The following TENM2 variants were observed in gnomAD, a reference collection of about 807,000 sequenced individuals.
The protein encoded by TENM2 is teneurin transmembrane protein 2.
TENM2 carries 52 observed loss-of-function variants against 245.2 expected under a neutral mutation model. The observed-to-expected ratio is 0.21, with a 90% confidence interval of 0.17 to 0.27. The LOEUF (loss-of-function observed/expected upper bound fraction) is 0.27, where lower values mean the gene tolerates loss of function less well. Ranked by LOEUF, TENM2 falls within the 10% of genes least tolerant of loss-of-function variation. The pLI is 1.00. For missense variants in TENM2, 3,046 were observed against 3,666.8 expected, an observed-to-expected ratio of 0.83 and a Z score of 4.37; for synonymous variants, 1,363 against 1,438.9, an observed-to-expected ratio of 0.95 and a Z score of 1.19.
At chr5:167,837,295 T>C (rs1049357067) in intron 2 of TENM2, among the ~76,000 whole-genome samples, 1 of 152,108 alleles carries the variant, frequency 6.6e-6, no homozygotes, top group Non-Finnish European at 1.5e-5. Flanking sequence ...ACCCTGCATA[T>C]TTTGTATACA....
At chr5:167,526,054 C>A (rs1202613363) in intron 2 of TENM2, among the ~76,000 whole-genome samples, 1 of 151,594 alleles carries the variant, frequency 6.6e-6, no homozygotes, top group Non-Finnish European at 1.5e-5. Context: ...AAATGGCCAA[C>A]CCATTTAACA....
At chr5:168,027,748 A>G (rs1378407692) in intron 5 of TENM2, among the ~76,000 whole-genome samples, 1 of 152,228 alleles carries the variant, frequency 6.6e-6, no homozygotes, top group Non-Finnish European at 1.5e-5. Flanking sequence ...TAAAGATTCT[A>G]ACAGAGAATA....
chr5:167,811,652 T>C (rs1385332385), intron 2 of TENM2, among the ~76,000 whole-genome samples: 3 of 152,160 alleles, frequency 2.0e-5, no homozygotes, highest in Admixed American at 6.6e-5. Context: ...TTCAAATAAG[T>C]CATGGATAGA....
At chr5:167,708,233 G>A (rs199804406) in intron 2 of TENM2, among the ~76,000 whole-genome samples, 1 of 148,996 alleles carries the variant, frequency 6.7e-6, no homozygotes, top group Non-Finnish European at 1.5e-5. Context: ...AGAAAGTGAT[G>A]GAGAGAGAGA....
At chr5:167,956,641 G>A (rs1780582764) in intron 4 of TENM2, among the ~76,000 whole-genome samples, 1 of 152,102 alleles carries the variant, frequency 6.6e-6, no homozygotes, top group African/African-American at 2.4e-5. Flanking sequence ...TTTGAGATAT[G>A]TTTCATCAAT....
chr5:168,192,079 C>T (rs2152513189), intron 14 of TENM2, among the ~76,000 whole-genome samples: 1 of 152,278 alleles, frequency 6.6e-6, no homozygotes, highest in African/African-American at 2.4e-5. Context: ...CTAGCGATAT[C>T]ATGTTGGGCT....
intron 2 of TENM2, among the ~76,000 whole-genome samples, chr5:167,828,964 C>T (rs1173662584): frequency 6.6e-6 from 1 of 152,178 alleles, no homozygotes; most frequent in Non-Finnish European, 1.5e-5. Context: ...TGCCCATCTG[C>T]CTTGCCTCTT....
At chr5:167,023,989 A>T in the TENM2 span, among the ~76,000 whole-genome samples, 1 of 152,240 alleles carries the variant, frequency 6.6e-6, no homozygotes, top group Non-Finnish European at 1.5e-5. Flanking sequence ...ATATAGGAAT[A>T]TATGCATGGA....
chr5:167,964,189 G>A (rs1781219943), intron 4 of TENM2, among the ~76,000 whole-genome samples: 1 of 152,172 alleles, frequency 6.6e-6, no homozygotes, highest in Non-Finnish European at 1.5e-5. Context: ...AATCTTCCCG[G>A]TCGGCTGCTT....
In TENM2 at chr5:167,851,403, A is replaced by G. The variant is rs568523899; in HGVS notation, c.503-24583A>G. Among the ~76,000 whole-genome samples the G allele has an allele frequency of 3.9e-5, 6 of 152,338 alleles. No individual in the cohort carries two copies. The East Asian group carries it at 1.2e-3, about 29-fold the overall frequency. On this transcript the variant is annotated intron_variant, in intron 2 of 28. Coordinates refer to ENST00000518659, the Ensembl canonical transcript of TENM2. ...TTATATATCCAAATTTATCATAATC[A>G]CCAAGGATTTTAAGCAAGATTTTTC...
intron 13 of TENM2, among the ~76,000 whole-genome samples, chr5:168,176,643 C>G (rs542360719): frequency 6.6e-6 from 1 of 152,248 alleles, no homozygotes; most frequent in African/African-American, 2.4e-5. Context: ...ATCATGCATT[C>G]ATTGTTTATT....
At chr5:167,685,043 C>G (rs1240429643) in intron 2 of TENM2, among the ~76,000 whole-genome samples, 1 of 152,176 alleles carries the variant, frequency 6.6e-6, no homozygotes, top group Non-Finnish European at 1.5e-5. Context: ...ATTTTAGAAA[C>G]AGACTCTGAG....
intron 9 of TENM2, among the ~76,000 whole-genome samples, chr5:168,113,682 C>A (rs867510604): frequency 6.6e-6 from 1 of 152,112 alleles, no homozygotes. Flanking sequence ...TTAGGTGAAT[C>A]TAAATTCTGT....
At chr5:167,656,995 G>A (rs1277279079) in intron 2 of TENM2, among the ~76,000 whole-genome samples, 1 of 128,584 alleles carries the variant, frequency 7.8e-6, no homozygotes, top group South Asian at 2.5e-4. Context: ...CTAGCTATTT[G>A]AAGCTATATA....
chr5:167,857,952 T>G (rs1771245467), intron 2 of TENM2, among the ~76,000 whole-genome samples: 1 of 152,220 alleles, frequency 6.6e-6, no homozygotes, highest in South Asian at 2.1e-4. Flanking sequence ...TGAATTACAT[T>G]TTTTTCATCA....
Position 167,816,953 on chromosome 5 carries a change from T to C in TENM2, c.503-59033T>C, listed in dbSNP as rs979532724. On this transcript the variant is annotated intron_variant, in intron 2 of 28. Transcript: ENST00000518659. ...ATGCTAACTTAATGAAGCACAATCATGACTCGTATTAGAAAGTGATTAGCT... is the reference window on the plus strand; with the variant it reads ...ATGCTAACTTAATGAAGCACAATCACGACTCGTATTAGAAAGTGATTAGCT... Among the ~76,000 whole-genome samples, 4 of 152,166 alleles carry C rather than the reference T, an allele frequency of 2.6e-5. No individual in the cohort carries two copies. In the East Asian group the frequency reaches 7.7e-4, roughly 29 times the overall value.
At chr5:167,625,511 G>A (rs1357204835) in intron 2 of TENM2, among the ~76,000 whole-genome samples, 1 of 152,130 alleles carries the variant, frequency 6.6e-6, no homozygotes, top group Non-Finnish European at 1.5e-5. Flanking sequence ...TTGCTGAAGT[G>A]TATGTGTGAT....
At chr5:167,138,117 ACTGTCTGTTCAAATCTCTC>A in the TENM2 span, among the ~76,000 whole-genome samples, 1 of 152,348 alleles carries the variant, frequency 6.6e-6, no homozygotes, top group African/African-American at 2.4e-5. Flanking sequence ...GCTGTTCACT[ACTGTCTGTTCAAATCTCTC>A]ATGTTTGCTT....
intron 9 of TENM2, among the ~76,000 whole-genome samples, chr5:168,110,630 G>A (rs1794606068): frequency 6.6e-6 from 1 of 152,194 alleles, no homozygotes; most frequent in Non-Finnish European, 1.5e-5. Context: ...TTCCATGCTT[G>A]CGGGTAATAG....
Sources: allele counts gnomAD v4.1 joint callset (sites outside exome capture counted in the v4.1 genomes callset), GRCh38; gene constraint gnomAD v4.1.1; transcripts MANE v1.5; gene names NCBI Gene and HGNC (gene_info 2026-07-23, HGNC 2026-07-21).